The following BEND3 variants were observed in gnomAD, a reference collection of about 807,000 sequenced individuals.
BEND3 encodes the protein BEN domain containing 3.
A neutral mutation model predicts 60.1 loss-of-function variants in BEND3; 13 were observed. The ratio of observed to expected loss-of-function variants is 0.22; its 90% CI spans 0.14 to 0.34. The LOEUF is 0.34. BEND3 is among the 10% of genes least tolerant of loss of function. BEND3 has a pLI of 1.00. For synonymous variants in BEND3, 497 were observed against 491.5 expected, an observed-to-expected ratio of 1.01 and a Z score of -0.15; for missense variants, 896 against 1,138.1, an observed-to-expected ratio of 0.79 and a Z score of 3.06.
At chr6:107,107,413 T>C (rs533247290) in intron 1 of BEND3, among the ~76,000 whole-genome samples, 122 of 142,450 alleles carry the variant, frequency 8.6e-4, no homozygotes, top group African/African-American at 2.9e-3. Flanking sequence ...AAGTTACCTA[T>C]TATAAAGCTT....
intron 1 of BEND3, among the ~76,000 whole-genome samples, chr6:107,109,420 G>A (rs1582675706): frequency 1.9e-5 from 2 of 103,394 alleles, no homozygotes; most frequent in African/African-American, 3.6e-5. Flanking sequence ...TCCAGCCTGG[G>A]TGACAGAGCA....
At chr6:107,081,972 A>G (rs1775244338) in intron 3 of BEND3, among the ~76,000 whole-genome samples, 1 of 152,218 alleles carries the variant, frequency 6.6e-6, no homozygotes, top group South Asian at 2.1e-4. Flanking sequence ...TGATGTACAC[A>G]TGGACACAAC....
chr6:107,088,469 G>T (rs1465905003), intron 3 of BEND3, among the ~76,000 whole-genome samples: 3 of 151,996 alleles, frequency 2.0e-5, no homozygotes, highest in Admixed American at 2.0e-4. Context: ...CCAAACCACA[G>T]ATCTAAGAGG....
chr6:107,075,429 T>C (rs891826212), intron 3 of BEND3, among the ~76,000 whole-genome samples: 1 of 152,224 alleles, frequency 6.6e-6, no homozygotes, highest in South Asian at 2.1e-4. Flanking sequence ...TGTGGGTCAC[T>C]GTGGAAAACC....
At chr6:107,072,858 T>C (rs1775012123) in intron 3 of BEND3, among the ~76,000 whole-genome samples, 1 of 151,920 alleles carries the variant, frequency 6.6e-6, no homozygotes, top group African/African-American at 2.4e-5. Flanking sequence ...CACAGTAGTG[T>C]GCACCTGTAG....
At chr6:107,074,890 A>T (rs1775066766) in intron 3 of BEND3, among the ~76,000 whole-genome samples, 1 of 152,148 alleles carries the variant, frequency 6.6e-6, no homozygotes. Flanking sequence ...TCACGAGGTC[A>T]GGAGATTGAG....
Position 107,104,239 on chromosome 6 carries a change from G to A in BEND3, c.-11-4943C>T, listed in dbSNP as rs1262894760. Among the ~76,000 whole-genome samples the A allele has an allele frequency of 4.1e-5, 6 of 147,964 alleles. No homozygotes were observed. The East Asian group carries it at 6.0e-4, about 15-fold the overall frequency. ...CAGGAGGCAGAGCCTGCAGTGAGCC[G>A]AGATCGCGCCACTGCACTCCAGCCT... On this transcript the variant is annotated intron_variant, in intron 1 of 3. Coordinates refer to ENST00000369042, the MANE Select transcript of BEND3 (RefSeq NM_001367314.1).
intron 3 of BEND3, among the ~76,000 whole-genome samples, chr6:107,076,919 G>A (rs1775112914): frequency 6.6e-6 from 1 of 151,724 alleles, no homozygotes; most frequent in Admixed American, 6.6e-5. Context: ...TGCAACCTTC[G>A]CCATCACTCC....
intron 3 of BEND3, among the ~76,000 whole-genome samples, chr6:107,075,569 A>T (rs1181557085): frequency 6.6e-6 from 1 of 152,216 alleles, no homozygotes; most frequent in African/African-American, 2.4e-5. Flanking sequence ...GGACTATAAG[A>T]TTACTATAAG....
intron 3 of BEND3, among the ~76,000 whole-genome samples, chr6:107,074,652 C>T (rs1775062761): frequency 6.6e-6 from 1 of 152,042 alleles, no homozygotes; most frequent in Non-Finnish European, 1.5e-5. Context: ...TATGTTTCTT[C>T]TGTTCTGTTA....
intron 3 of BEND3, among the ~76,000 whole-genome samples, chr6:107,097,403 T>C (rs1554236107): frequency 6.7e-6 from 1 of 148,598 alleles, no homozygotes; most frequent in South Asian, 2.1e-4. Context: ...CCCAAATAAA[T>C]TAGAGAAACA....
At chr6:107,086,565 A>G (rs549418837) in intron 3 of BEND3, among the ~76,000 whole-genome samples, 115 of 151,830 alleles carry the variant, frequency 7.6e-4, no homozygotes, top group Non-Finnish European at 1.4e-3. Flanking sequence ...CAGTGAGCCG[A>G]AATCGCGTCA....
intron 3 of BEND3, among the ~76,000 whole-genome samples, chr6:107,079,063 C>A (rs782756363): frequency 2.0e-5 from 3 of 151,992 alleles, no homozygotes; most frequent in Non-Finnish European, 2.9e-5. Context: ...AGGAGCGGAT[C>A]AGTGGAAGAA....
chr6:107,098,026 T>G (rs922500712), intron 3 of BEND3, among the ~76,000 whole-genome samples: 8 of 151,100 alleles, frequency 5.3e-5, no homozygotes, highest in African/African-American at 1.9e-4. Flanking sequence ...AAACAAAGAG[T>G]TGGCTGTGCA....
In BEND3 at chr6:107,068,168, C is replaced by G. The variant is rs1251658279; in HGVS notation, c.*536G>C. ...CAAAATCAGATGTAAAAAACAAGGTCAGTAAAATCAGTATCCATGCCACCT... is the reference window on the plus strand; with the variant it reads ...CAAAATCAGATGTAAAAAACAAGGTGAGTAAAATCAGTATCCATGCCACCT... On this transcript the variant is annotated 3_prime_UTR_variant, in exon 4 of 4. Transcript: ENST00000369042. The surrounding 1 kb of genome is among the most constrained non-coding windows in gnomAD (Gnocchi z 5.8). The G allele has an allele frequency of 6.5e-6, 1 of 152,690 alleles. No individual in the cohort carries two copies. The highest frequency in any genetic ancestry group is 1.5e-5 in the Non-Finnish European group (1 of 68,486). 9.5% of individuals were successfully genotyped at this position (152,690 alleles called of 1,614,324 possible).
intron 3 of BEND3, among the ~76,000 whole-genome samples, chr6:107,096,990 A>AAAAC (rs782248437): frequency 5.3e-5 from 8 of 152,100 alleles, no homozygotes; most frequent in African/African-American, 1.2e-4. Context: ...GTCTCAGACA[A>AAAAC]AAACAAACAA....
intron 3 of BEND3, among the ~76,000 whole-genome samples, chr6:107,095,687 G>C (rs1435964906): frequency 6.6e-6 from 1 of 152,092 alleles, no homozygotes; most frequent in Admixed American, 6.6e-5. Flanking sequence ...TGGTACATCT[G>C]GGCAATAGAA....
intron 3 of BEND3, among the ~76,000 whole-genome samples, chr6:107,097,807 A>C (rs1428067894): frequency 6.6e-6 from 1 of 151,236 alleles, no homozygotes; most frequent in Non-Finnish European, 1.5e-5. Context: ...AAAAAAAAAA[A>C]AAAAAAAACC....
At chr6:107,099,427 G>A in intron 1 of BEND3, 131 bp from the exon 2 acceptor site, 1 of 733,854 alleles carries the variant, frequency 1.4e-6, no homozygotes, top group Non-Finnish European at 2.3e-6. Context: ...CACTGTGGAA[G>A]CTATGTGTCC....
Sources: allele counts gnomAD v4.1 joint callset (sites outside exome capture counted in the v4.1 genomes callset), GRCh38; gene constraint gnomAD v4.1.1; non-coding constraint Gnocchi (gnomAD v3.1); transcripts MANE v1.5; gene names NCBI Gene and HGNC (gene_info 2026-07-23, HGNC 2026-07-21).